The following ZBTB8A variants were observed in gnomAD, a reference collection of about 807,000 sequenced individuals.
The protein encoded by ZBTB8A is zinc finger and BTB domain-containing protein 8A.
Under a neutral mutation model 37.8 loss-of-function variants are expected in ZBTB8A, and 19 were observed. That is an observed-to-expected ratio of 0.50 (90% confidence interval 0.35 to 0.74). The LOEUF (loss-of-function observed/expected upper bound fraction) is 0.74, where lower values mean the gene tolerates loss of function less well. Ranked by LOEUF, ZBTB8A falls within the 30% of genes least tolerant of loss-of-function variation. The pLI is 0.01. For synonymous variants in ZBTB8A, 181 were observed against 185.2 expected, an observed-to-expected ratio of 0.98 and a Z score of 0.19; for missense variants, 394 against 537.8, an observed-to-expected ratio of 0.73 and a Z score of 2.65.
intron 2 of ZBTB8A, among the ~76,000 whole-genome samples, chr1:32,573,761 T>TA (rs1478049397): frequency 2.9e-4 from 42 of 144,668 alleles, no homozygotes; most frequent in East Asian, 2.1e-3. Flanking sequence ...TTTTTTTTTT[T>TA]AATATAAGAA....
chr1:32,585,830 C>T (rs569964620), intron 2 of ZBTB8A, among the ~76,000 whole-genome samples: 11 of 151,432 alleles, frequency 7.3e-5, no homozygotes, highest in Middle Eastern at 3.4e-3. Flanking sequence ...TGGTGAAACC[C>T]CGTCTCTGCT....
intron 2 of ZBTB8A, among the ~76,000 whole-genome samples, chr1:32,580,400 A>G (rs959533060): frequency 2.6e-5 from 4 of 151,882 alleles, no homozygotes; most frequent in Non-Finnish European, 5.9e-5. Context: ...TCTACTAAAA[A>G]TTAGCCAGGC....
At chr1:32,552,206 A>T (rs919720669) in intron 1 of ZBTB8A, among the ~76,000 whole-genome samples, 1 of 152,134 alleles carries the variant, frequency 6.6e-6, no homozygotes, top group Non-Finnish European at 1.5e-5. Context: ...TTTCTAAAAA[A>T]TACAAAAATT....
chr1:32,547,812 C>CA (rs1644118266), intron 1 of ZBTB8A, among the ~76,000 whole-genome samples: 1 of 9,754 alleles, frequency 1.0e-4, no homozygotes, highest in African/African-American at 4.2e-4. Flanking sequence ...CTGTCTAAAA[C>CA]AAAAAACAAA....
At chr1:32,597,368 AATT>A in intron 4 of ZBTB8A, among the ~76,000 whole-genome samples, 1 of 152,254 alleles carries the variant, frequency 6.6e-6, no homozygotes, top group East Asian at 1.9e-4. Context: ...TTGGATCCAC[AATT>A]ATTATTCCTT....
At chr1:32,553,199 A>G (rs1644171137) in intron 1 of ZBTB8A, among the ~76,000 whole-genome samples, 1 of 151,880 alleles carries the variant, frequency 6.6e-6, no homozygotes, top group African/African-American at 2.4e-5. Context: ...AGCTGGGATT[A>G]CAGGCACCTG....
At chr1:32,596,509 A>T (rs1383010307) in intron 4 of ZBTB8A, among the ~76,000 whole-genome samples, 2 of 152,276 alleles carry the variant, frequency 1.3e-5, no homozygotes, top group African/African-American at 4.8e-5. Context: ...CAAACCCAGG[A>T]AGTGGAGGTT....
In ZBTB8A at chr1:32,600,532, A is replaced by C; in HGVS notation, c.*113A>C. ...CAAATTTATCACACTGACTTTAAAG[A>C]AATGATCTGATATAACTTGCATGCT... is the stretch of plus-strand genomic sequence containing the variant. On this transcript the variant is annotated 3_prime_UTR_variant, in exon 5 of 5. Coordinates refer to ENST00000373510, the MANE Select transcript of ZBTB8A (RefSeq NM_001040441.3). 1 of 772,928 alleles carries C rather than the reference A, an allele frequency of 1.3e-6. No individual in the cohort carries two copies. The highest frequency in any genetic ancestry group is 2.6e-5 in the East Asian group (1 of 37,904). The allele number at this position is 772,928 out of a possible 1,614,324, so 47.9% of individuals were successfully genotyped here.
At chr1:32,572,271 C>G (rs1285943932) in intron 2 of ZBTB8A, among the ~76,000 whole-genome samples, 1 of 151,818 alleles carries the variant, frequency 6.6e-6, no homozygotes, top group Non-Finnish European at 1.5e-5. Context: ...AACACTGAAG[C>G]CATTTGGGTC....
chr1:32,563,155 T>C (rs1296117425), intron 2 of ZBTB8A, among the ~76,000 whole-genome samples: 1 of 152,186 alleles, frequency 6.6e-6, no homozygotes, highest in Admixed American at 6.5e-5. Flanking sequence ...ATTAGTTGTT[T>C]GCATTTCCCC....
chr1:32,567,943 C>A (rs1269520857), intron 2 of ZBTB8A, among the ~76,000 whole-genome samples: 1 of 151,712 alleles, frequency 6.6e-6, no homozygotes, highest in Non-Finnish European at 1.5e-5. Context: ...AGTTTGAGAC[C>A]AGCCTGGCTA....
chr1:32,543,508 G>A (rs938109245), intron 1 of ZBTB8A, among the ~76,000 whole-genome samples: 2 of 152,182 alleles, frequency 1.3e-5, no homozygotes, highest in East Asian at 3.9e-4. Context: ...TTCATCATTT[G>A]CATAAAGAAA....
chr1:32,596,852 G>A (rs1314078672), intron 4 of ZBTB8A, among the ~76,000 whole-genome samples: 1 of 152,034 alleles, frequency 6.6e-6, no homozygotes, highest in African/African-American at 2.4e-5. Context: ...CAGAGCCAAA[G>A]ATAATATAAA....
intron 4 of ZBTB8A, among the ~76,000 whole-genome samples, chr1:32,598,223 ATTTTTTTTT>A (rs762801492): frequency 1.2e-5 from 1 of 86,020 alleles, no homozygotes; most frequent in East Asian, 3.4e-4. Flanking sequence ...GCTTTCTTGG[ATTTTTTTTT>A]TTTTTTTTTT....
chr1:32,555,156 G>A (rs1184917996), intron 2 of ZBTB8A, among the ~76,000 whole-genome samples: 2 of 152,108 alleles, frequency 1.3e-5, no homozygotes, highest in African/African-American at 2.4e-5. Context: ...TTGGGAGGCC[G>A]AGGCGGGCAG....
chr1:32,567,791 CAAAA>C (rs1214976482), intron 2 of ZBTB8A, among the ~76,000 whole-genome samples: 783 of 6,416 alleles, frequency 0.12, 63 homozygotes, highest in East Asian at 0.45. Flanking sequence ...GATTCTGTCT[CAAAA>C]AAAAAAAAAA....
chr1:32,552,622 C>T (rs1161227946), intron 1 of ZBTB8A, among the ~76,000 whole-genome samples: 19 of 152,004 alleles, frequency 1.2e-4, no homozygotes, highest in Admixed American at 1.1e-3. Flanking sequence ...GCCGAGATCA[C>T]GCCATTTCAC....
intron 1 of ZBTB8A, among the ~76,000 whole-genome samples, chr1:32,541,054 G>C (rs189472479): frequency 6.4e-4 from 98 of 152,334 alleles, no homozygotes; most frequent in African/African-American, 2.3e-3. Flanking sequence ...TTAATTCATC[G>C]TATGTCATTT....
intron 2 of ZBTB8A, among the ~76,000 whole-genome samples, chr1:32,586,346 T>C (rs181287791): frequency 6.0e-4 from 92 of 152,216 alleles, no homozygotes; most frequent in Non-Finnish European, 9.6e-4. Context: ...TCCTTATGTG[T>C]TTTAACATTT....
Sources: allele counts gnomAD v4.1 joint callset (sites outside exome capture counted in the v4.1 genomes callset), GRCh38; gene constraint gnomAD v4.1.1; transcripts MANE v1.5; gene names NCBI Gene and HGNC (gene_info 2026-07-23, HGNC 2026-07-21).